FAM227A: variants seen among roughly 807,000 people sequenced by gnomAD.
FAM227A encodes the protein protein FAM227A.
FAM227A carries 80 observed loss-of-function variants against 74.7 expected under a neutral mutation model. The observed-to-expected ratio is 1.07, with a 90% confidence interval of 0.89 to 1.29. The LOEUF (loss-of-function observed/expected upper bound fraction) is 1.29, where lower values mean the gene tolerates loss of function less well. FAM227A is among the 50% of genes most tolerant of loss of function. FAM227A has a pLI of 0.00. For missense variants in FAM227A, 654 were observed against 683.4 expected (o/e 0.96, Z 0.48); for synonymous variants, 237 against 241.8 (o/e 0.98, Z 0.19).
At chr22:38,601,861 G>A (rs1244637521) in intron 13 of FAM227A, among the ~76,000 whole-genome samples, 1 of 152,112 alleles carries the variant, frequency 6.6e-6, no homozygotes, top group African/African-American at 2.4e-5. Flanking sequence ...GGAACAGGCT[G>A]GGGCGGTGGG....
chr22:38,623,084 T>C, intron 10 of FAM227A, 88 bp downstream of exon 10: 1 of 907,944 alleles, frequency 1.1e-6, no homozygotes, highest in Admixed American at 2.3e-5. Context: ...CCTGAGGACA[T>C]CAATGCTAAG....
chr22:38,578,352 C>T lies in FAM227A; in HGVS notation c.*7773G>A, dbSNP rs1569177920. 1 of 152,128 alleles carries T rather than the reference C, an allele frequency of 6.6e-6. No homozygotes were observed. The highest frequency in any genetic ancestry group is 1.9e-4 in the East Asian group (1 of 5,182). 9.4% of individuals were successfully genotyped at this position (152,128 alleles called of 1,614,324 possible). On this transcript the variant is annotated 3_prime_UTR_variant, in exon 17 of 17. Coordinates refer to ENST00000535113, the MANE Select transcript of FAM227A (RefSeq NM_001013647.2). Reference sequence around the variant, plus strand: ...TTCAGTCAGCTGCTGACTGAAACATCGTTACGTGGTGCATGACTGTGTGTA... The same window carrying T: ...TTCAGTCAGCTGCTGACTGAAACATTGTTACGTGGTGCATGACTGTGTGTA...
chr22:38,607,506 G>C (rs1376116131), intron 11 of FAM227A, 30 bp from the exon 12 acceptor site: 1 of 1,380,000 alleles, frequency 7.2e-7, no homozygotes, highest in Non-Finnish European at 1.0e-6. Flanking sequence ...GAAAGAGAGG[G>C]AGAAAGCGAG....
chr22:38,593,550 T>C (rs1027629509), intron 15 of FAM227A, among the ~76,000 whole-genome samples: 1 of 152,028 alleles, frequency 6.6e-6, no homozygotes, highest in African/African-American at 2.4e-5. Context: ...TAAAGCATAA[T>C]GAACAACAGT....
At chr22:38,653,318 A>C (rs2092347833) in intron 1 of FAM227A, among the ~76,000 whole-genome samples, 1 of 151,572 alleles carries the variant, frequency 6.6e-6, no homozygotes, top group African/African-American at 2.4e-5. Context: ...TTGTAGAATT[A>C]TTTTATTATA....
chr22:38,606,521 G>C (rs190263260), intron 12 of FAM227A, among the ~76,000 whole-genome samples: 4 of 152,240 alleles, frequency 2.6e-5, no homozygotes, highest in Admixed American at 2.6e-4. Context: ...CTTCAAAAAA[G>C]AGTGTGGCCT....
At position 38,584,228 on chromosome 22, in the gene FAM227A, T is replaced by A. The variant is rs1207528188; in HGVS notation, c.*1897A>T. 3 of 152,210 alleles carry A rather than the reference T, an allele frequency of 2.0e-5. No homozygotes were observed. Among genetic ancestry groups the A allele is most frequent in the Non-Finnish European group, 1.5e-5 (1 of 68,074 alleles). The allele number at this position is 152,210 out of a possible 1,614,324, so 9.4% of individuals were successfully genotyped here. ...TAAGGTCAGGGACTGTGTCTTTATTTATCTCTGTATTCACAGGGCCTAGTG... is the reference window on the plus strand; with the variant it reads ...TAAGGTCAGGGACTGTGTCTTTATTAATCTCTGTATTCACAGGGCCTAGTG... On this transcript the variant is annotated 3_prime_UTR_variant, in exon 17 of 17. Transcript: ENST00000535113.
chr22:38,609,922 C>G (rs761696808), intron 11 of FAM227A, among the ~76,000 whole-genome samples: 1 of 152,134 alleles, frequency 6.6e-6, no homozygotes, highest in Non-Finnish European at 1.5e-5. Flanking sequence ...CGGGCGCCCG[C>G]CACCACGCTT....
chr22:38,620,316 T>C, intron 10 of FAM227A, 25 bp from the exon 11 acceptor site: 1 of 1,500,670 alleles, frequency 6.7e-7, no homozygotes, highest in Middle Eastern at 1.7e-4. Flanking sequence ...AAGCTGTTAT[T>C]AATTCCTCTT....
At chr22:38,634,454 G>A (rs912852043) in intron 6 of FAM227A, among the ~76,000 whole-genome samples, 1 of 151,992 alleles carries the variant, frequency 6.6e-6, no homozygotes, top group Non-Finnish European at 1.5e-5. Context: ...ACAAACTACC[G>A]TTTTCTTAGA....
chr22:38,613,012 A>C (rs5750643), intron 11 of FAM227A, among the ~76,000 whole-genome samples: 1,698 of 130,954 alleles, frequency 0.013, 18 homozygotes, highest in Middle Eastern at 0.039. Flanking sequence ...TTTTTTTGGC[A>C]CTACAAAAAT....
intron 12 of FAM227A, 108 bp from the exon 13 acceptor site, chr22:38,605,456 A>C (rs926260770): frequency 1.6e-4 from 105 of 659,864 alleles, no homozygotes; most frequent in Non-Finnish European, 2.7e-4. Flanking sequence ...CACCCAGTTA[A>C]ATTTTGTAGT....
In FAM227A at chr22:38,582,680, TGACA is replaced by T. The variant is rs1306343667; in HGVS notation, c.*3441_*3444del. 36 of 869,520 alleles carry T rather than the reference TGACA, an allele frequency of 4.1e-5. No homozygotes were observed. Among genetic ancestry groups the T allele is most frequent in the Non-Finnish European group, 6.3e-5 (36 of 573,600 alleles). The allele number at this position is 869,520 out of a possible 1,614,324, so 53.9% of individuals were successfully genotyped here. ...TCTTGGACTGTGCAACAAATGGTCC[TGACA>T]GACAGAAATGCAGTTTGTCCTGGGC... On this transcript the variant is annotated 3_prime_UTR_variant, in exon 17 of 17. Transcript: ENST00000535113.
intron 11 of FAM227A, among the ~76,000 whole-genome samples, chr22:38,613,333 A>ATC (rs2091491968): frequency 4.8e-5 from 2 of 41,342 alleles, no homozygotes; most frequent in African/African-American, 1.9e-4. Context: ...TATCATATAT[A>ATC]ATATATAACA....
intron 1 of FAM227A, among the ~76,000 whole-genome samples, chr22:38,651,135 A>G (rs2092316043): frequency 6.6e-6 from 1 of 152,014 alleles, no homozygotes; most frequent in Non-Finnish European, 1.5e-5. Flanking sequence ...TCCTACCTCT[A>G]TGCCTTTCCA....
chr22:38,608,484 G>A (rs530400854), intron 11 of FAM227A, among the ~76,000 whole-genome samples: 3 of 151,988 alleles, frequency 2.0e-5, no homozygotes, highest in Non-Finnish European at 4.4e-5. Context: ...AGGCTGGAGT[G>A]CAATGGCACG....
chr22:38,653,437 C>T (rs1232900889), intron 1 of FAM227A, among the ~76,000 whole-genome samples: 1 of 148,838 alleles, frequency 6.7e-6, no homozygotes, highest in East Asian at 2.0e-4. Context: ...AATGCAATGG[C>T]ACAATCTTGG....
chr22:38,624,660 C>A (rs2091760241), intron 9 of FAM227A, among the ~76,000 whole-genome samples: 1 of 152,152 alleles, frequency 6.6e-6, no homozygotes, highest in Admixed American at 6.6e-5. Context: ...ATGTGACGAT[C>A]CCAATGAAAA....
chr22:38,645,777 T>C (rs1055603818), intron 2 of FAM227A, 132 bp from the exon 3 acceptor site: 174 of 608,318 alleles, frequency 2.9e-4, no homozygotes, highest in Non-Finnish European at 3.6e-4. Context: ...CATTCAGAGT[T>C]TTCACATTTC....
Sources: allele counts gnomAD v4.1 joint callset (sites outside exome capture counted in the v4.1 genomes callset), GRCh38; gene constraint gnomAD v4.1.1; transcripts MANE v1.5; gene names NCBI Gene and HGNC (gene_info 2026-07-23, HGNC 2026-07-21).